CD163L1: variants seen among roughly 807,000 people sequenced by gnomAD.
CD163L1 encodes the protein scavenger receptor cysteine-rich type 1 protein M160.
Under a neutral mutation model 165.4 loss-of-function variants are expected in CD163L1, and 124 were observed. That is an observed-to-expected ratio of 0.75 (90% CI 0.65 to 0.87). The LOEUF (loss-of-function observed/expected upper bound fraction) is 0.87, where lower values mean the gene tolerates loss of function less well. Ranked by LOEUF, CD163L1 falls within the 40% of genes least tolerant of loss-of-function variation. The probability of loss-of-function intolerance (pLI) is 0.00; values close to 1 mark genes in which losing one functional copy is unlikely to be tolerated. For synonymous variants in CD163L1, 585 were observed against 662.2 expected (o/e 0.88, Z 1.79); for missense variants, 1,525 against 1,799.9 (o/e 0.85, Z 2.76).
chr12:7,355,495 T>C (rs1428965140), intron 19 of CD163L1, among the ~76,000 whole-genome samples: 1 of 152,142 alleles, frequency 6.6e-6, no homozygotes, highest in Non-Finnish European at 1.5e-5. Context: ...CAAAAGTTTT[T>C]AGTATGGATT....
At position 7,375,730 on chromosome 12, in the gene CD163L1, G is replaced by C. The variant is rs764514895; in HGVS notation, c.2656C>G (p.His886Asp). Residue 886 changes from histidine (H) to aspartate (D), a missense_variant, in exon 10 of 20, where the codon CAC becomes GAC. His to Asp is a moderately conservative substitution (Grantham distance 81). Coordinates refer to ENST00000313599, the MANE Select transcript of CD163L1 (RefSeq NM_174941.6). ...IVQHPEDTCIHSREVGVVCSR... is the reference protein window; with the variant it reads ...IVQHPEDTCIDSREVGVVCSR... ...CAGACAACTCCAACTTCTCTGCTGTGGATACAAGTGTCTTCCGGATGTTGA... is the reference window on the plus strand; with the variant it reads ...CAGACAACTCCAACTTCTCTGCTGTCGATACAAGTGTCTTCCGGATGTTGA... 6.2e-7 allele frequency: 1 copy of C among 1,614,192 alleles called. No individual in the cohort carries two copies. Among genetic ancestry groups the C allele is most frequent in the South Asian group, 1.1e-5 (1 of 91,074 alleles).
At chr12:7,435,155 T>C (rs1948698806) in intron 2 of CD163L1, among the ~76,000 whole-genome samples, 1 of 152,086 alleles carries the variant, frequency 6.6e-6, no homozygotes, top group South Asian at 2.1e-4. Flanking sequence ...TTCAATATAC[T>C]GATTAAGGTG....
intron 4 of CD163L1, among the ~76,000 whole-genome samples, chr12:7,431,716 C>T (rs1322370141): frequency 6.6e-6 from 1 of 151,876 alleles, no homozygotes; most frequent in African/African-American, 2.4e-5. Context: ...TGTAACAAAC[C>T]TGCATGTTGT....
chr12:7,371,694 A>G lies in CD163L1; in HGVS notation c.3730+1626T>C, dbSNP rs1410040513. On this transcript the variant is annotated intron_variant, in intron 14 of 19. Coordinates refer to ENST00000313599, the MANE Select transcript of CD163L1 (RefSeq NM_174941.6). ...TATATATTTAAGGATATTTAATGTG[A>G]TGTTACTTAAAATGGAAAAATAACT... Among the ~76,000 whole-genome samples the G allele has an allele frequency of 2.0e-5, 3 of 152,028 alleles. No individual in the cohort carries two copies. The East Asian group carries it at 5.8e-4, about 29-fold the overall frequency.
chr12:7,322,635 A>C, the CD163L1 span: 5 of 1,456,094 alleles, frequency 3.4e-6, no homozygotes, highest in Non-Finnish European at 4.6e-6. Flanking sequence ...ATCCCACTGT[A>C]AATTTTTATA....
chr12:7,357,663 A>C (rs1239449046), intron 18 of CD163L1, 177 bp from the exon 19 acceptor site: 1 of 456,564 alleles, frequency 2.2e-6, no homozygotes, highest in Non-Finnish European at 4.0e-6. Flanking sequence ...ATCATATTTA[A>C]AAGGATAAAC....
At chr12:7,323,536 C>T in the CD163L1 span, 6 of 1,613,534 alleles carry the variant, frequency 3.7e-6, no homozygotes, top group African/African-American at 8.0e-5. Context: ...CTACACGGCC[C>T]TTCTGTTTCT....
chr12:7,388,766 G>T (rs964376056), intron 8 of CD163L1, among the ~76,000 whole-genome samples: 2 of 150,774 alleles, frequency 1.3e-5, no homozygotes, highest in Non-Finnish European at 1.5e-5. Flanking sequence ...AAACAAAGTG[G>T]GGGGGGCAAA....
the CD163L1 span, among the ~76,000 whole-genome samples, chr12:7,329,386 C>T: frequency 7.1e-6 from 1 of 140,616 alleles, no homozygotes; most frequent in Non-Finnish European, 1.5e-5. Context: ...TTTTAGGGTA[C>T]ATGTGCACAT....
intron 4 of CD163L1, among the ~76,000 whole-genome samples, chr12:7,417,413 T>G (rs765700502): frequency 6.6e-6 from 1 of 152,272 alleles, no homozygotes; most frequent in Admixed American, 6.5e-5. Context: ...TTCTTTCTCT[T>G]GCCTGATTGC....
Position 7,432,416 on chromosome 12 carries a change from CATA to C in CD163L1, c.763_765del (p.Tyr255del), listed in dbSNP as rs1591968640. ...TCTACATGATGTCTTGGGTTCTTAC[CATA>C]ACAAGTTAATGTGACATCCTCATTG... On this transcript the variant is annotated inframe_deletion and splice_region_variant, in exon 4 of 20. Transcript: ENST00000313599. The surrounding 1 kb of genome is among the most constrained non-coding windows in gnomAD (Gnocchi z 4.2). 6.2e-7 allele frequency: 1 copy of C among 1,606,336 alleles called. No individual in the cohort carries two copies. Among genetic ancestry groups the C allele is most frequent in the East Asian group, 2.2e-5 (1 of 44,810 alleles).
intron 4 of CD163L1, among the ~76,000 whole-genome samples, chr12:7,412,924 G>A (rs556135645): frequency 8.6e-5 from 13 of 151,686 alleles, no homozygotes; most frequent in Non-Finnish European, 1.6e-4. Flanking sequence ...GTGAAACCCC[G>A]TCTCTACTAA....
At chr12:7,423,419 A>T (rs906172766) in intron 4 of CD163L1, among the ~76,000 whole-genome samples, 3 of 152,178 alleles carry the variant, frequency 2.0e-5, no homozygotes, top group African/African-American at 7.2e-5. Context: ...AATTAAAAGA[A>T]CTAGAGAAGG....
intron 19 of CD163L1, among the ~76,000 whole-genome samples, chr12:7,356,036 C>T (rs936457205): frequency 6.6e-6 from 1 of 152,070 alleles, no homozygotes; most frequent in Non-Finnish European, 1.5e-5. Context: ...ACCCTAATTT[C>T]AAGTACTTTA....
chr12:7,413,658 T>C (rs1487932923), intron 4 of CD163L1, among the ~76,000 whole-genome samples: 1 of 152,210 alleles, frequency 6.6e-6, no homozygotes, highest in East Asian at 1.9e-4. Context: ...ATGGTGCATG[T>C]GAGCCTCTGC....
chr12:7,362,323 T>A (rs1946912799), intron 18 of CD163L1, among the ~76,000 whole-genome samples: 1 of 139,308 alleles, frequency 7.2e-6, no homozygotes, highest in African/African-American at 2.6e-5. Context: ...TATTAAATTA[T>A]ATAAAATAAA....
chr12:7,329,802 T>C, the CD163L1 span, among the ~76,000 whole-genome samples: 11 of 152,224 alleles, frequency 7.2e-5, 1 homozygote, highest in Admixed American at 2.0e-4. Flanking sequence ...CAACACAGGA[T>C]TTTATAGCTG....
intron 4 of CD163L1, among the ~76,000 whole-genome samples, chr12:7,421,139 G>A (rs12813818): frequency 1.6e-5 from 2 of 122,958 alleles, no homozygotes; most frequent in East Asian, 2.3e-4. Flanking sequence ...ACGTATATAT[G>A]TATATATGTG....
chr12:7,350,275 G>A (rs915268031), downstream of CD163L1, among the ~76,000 whole-genome samples: 1 of 152,196 alleles, frequency 6.6e-6, no homozygotes, highest in East Asian at 1.9e-4. Flanking sequence ...GACCTAAGAT[G>A]TGAATCTTAA....
Sources: gnomAD v4.1 joint callset for allele counts (sites outside exome capture counted in the v4.1 genomes callset) on GRCh38, gnomAD v4.1.1 for gene constraint, Gnocchi (gnomAD v3.1) non-coding constraint, MANE v1.5 for transcripts, NCBI Gene and HGNC (gene_info 2026-07-23, HGNC 2026-07-21) for gene names.